AKAP12: variants seen among roughly 807,000 people sequenced by gnomAD.
The protein encoded by AKAP12 is A-kinase anchoring protein 12.
A neutral mutation model predicts 79.9 loss-of-function variants in AKAP12; 32 were observed. The observed-to-expected ratio is 0.40, with a 90% CI of 0.30 to 0.54. The LOEUF is 0.54. Among genes scored for constraint, AKAP12 ranks in the 20% least tolerant of loss-of-function variants. The pLI is 0.48. For missense variants in AKAP12, 2,074 were observed against 2,177.0 expected, an observed-to-expected ratio of 0.95 and a Z score of 0.94; for synonymous variants, 808 against 857.0, an observed-to-expected ratio of 0.94 and a Z score of 1.00.
At chr6:151,297,358 C>T (rs890925318) in intron 2 of AKAP12, among the ~76,000 whole-genome samples, 27 of 151,728 alleles carry the variant, frequency 1.8e-4, no homozygotes, top group African/African-American at 6.3e-4. Flanking sequence ...GGGTGGATCA[C>T]GAGGTCAGGA....
At chr6:151,295,138 T>C (rs1461937885) in intron 2 of AKAP12, among the ~76,000 whole-genome samples, 1 of 152,232 alleles carries the variant, frequency 6.6e-6, no homozygotes, top group African/African-American at 2.4e-5. Flanking sequence ...TTTGAGAATT[T>C]AGAGGCCTAA....
At chr6:151,263,539 A>G (rs1797480949) in intron 2 of AKAP12, among the ~76,000 whole-genome samples, 1 of 151,156 alleles carries the variant, frequency 6.6e-6, no homozygotes, top group South Asian at 2.1e-4. Flanking sequence ...CACATTCTTC[A>G]TTTTTACTCA....
intron 3 of AKAP12, among the ~76,000 whole-genome samples, chr6:151,340,697 C>A (rs116137395): frequency 1.3e-5 from 2 of 152,196 alleles, no homozygotes; most frequent in Non-Finnish European, 2.9e-5. Flanking sequence ...AAGCTCTTTA[C>A]AACCAAGCCA....
intron 2 of AKAP12, among the ~76,000 whole-genome samples, chr6:151,248,267 A>ATTT (rs112053514): frequency 0.05 from 7,022 of 140,740 alleles, 331 homozygotes; most frequent in Admixed American, 0.14. Flanking sequence ...GGATTCTGTG[A>ATTT]TTTTTTTTTT....
intron 2 of AKAP12, among the ~76,000 whole-genome samples, chr6:151,287,371 C>T (rs1374118094): frequency 6.6e-6 from 1 of 152,068 alleles, no homozygotes; most frequent in African/African-American, 2.4e-5. Context: ...GGTGATCCTC[C>T]CACCTTAGCC....
At chr6:151,348,680 T>TCACCC in intron 3 of AKAP12, 31 bp from the exon 4 acceptor site, 4 of 355,198 alleles carry the variant, frequency 1.1e-5, no homozygotes, top group South Asian at 3.0e-5. Context: ...TTTTCTCTTC[T>TCACCC]CCCCACCCCC....
intron 3 of AKAP12, among the ~76,000 whole-genome samples, chr6:151,310,377 A>G (rs1777067797): frequency 6.6e-6 from 1 of 152,090 alleles, no homozygotes; most frequent in Admixed American, 6.5e-5. Context: ...AAAAAAAACA[A>G]AAACAAAACA....
chr6:151,350,439 T>C lies in AKAP12; in HGVS notation c.2048T>C (p.Ile683Thr). Residue 683 changes from isoleucine (I) to threonine (T), a missense_variant, in exon 4 of 5, where the codon ATT (isoleucine) becomes ACT (threonine). Physicochemically the swap from Ile to Thr is moderately conservative, Grantham distance 89. Around this residue, in one of 3 missense-constraint regions of AKAP12, gnomAD observed 1,428 missense variants for 1,451.0 expected, o/e 0.98. Coordinates refer to ENST00000402676, the MANE Select transcript of AKAP12 (RefSeq NM_005100.4). This position sits in a 1 kb window ranked among gnomAD's most constrained non-coding sequence, Gnocchi z 4.8. ...ACCTCAGTATCTTGGGAAGCTTTAA[T>C]TTGTGTGGGATCATCCAAGAAAAGA... ...VDTSVSWEAL[I>T]CVGSSKKRAR... 6.2e-7 allele frequency: 1 copy of C among 1,613,762 alleles called. No individual in the cohort carries two copies. The highest frequency in any genetic ancestry group is 8.5e-7 in the Non-Finnish European group (1 of 1,179,982).
chr6:151,326,503 A>AAAG (rs377525908), intron 3 of AKAP12, among the ~76,000 whole-genome samples: 239 of 149,286 alleles, frequency 1.6e-3, no homozygotes, highest in African/African-American at 4.3e-3. Context: ...AAAAAAAAAA[A>AAAG]AAAGAAAAAA....
chr6:151,325,382 G>A, intron 3 of AKAP12: 1 of 985,470 alleles, frequency 1.0e-6, no homozygotes, highest in Non-Finnish European at 1.2e-6. Context: ...CAGGAATGAA[G>A]TAACCGTTTA....
intron 3 of AKAP12, chr6:151,325,455 T>A: frequency 1.0e-6 from 1 of 985,392 alleles, no homozygotes; most frequent in South Asian, 4.7e-5. Flanking sequence ...CTCCCGGGAC[T>A]CTGCAGAACC....
chr6:151,270,222 A>C (rs1017188541), intron 2 of AKAP12, among the ~76,000 whole-genome samples: 2 of 152,020 alleles, frequency 1.3e-5, no homozygotes, highest in Admixed American at 6.6e-5. Flanking sequence ...ACGCTGGGCT[A>C]ATTTTTTGTA....
chr6:151,282,965 C>G (rs556273434), intron 2 of AKAP12, among the ~76,000 whole-genome samples: 1 of 152,176 alleles, frequency 6.6e-6, no homozygotes, highest in Non-Finnish European at 1.5e-5. Flanking sequence ...AGCCTGCACT[C>G]ATGTTATGAA....
intron 2 of AKAP12, among the ~76,000 whole-genome samples, chr6:151,245,288 G>C (rs971205019): frequency 6.9e-6 from 1 of 145,522 alleles, no homozygotes; most frequent in Non-Finnish European, 1.5e-5. Flanking sequence ...AGCATTCTAA[G>C]AAAAATTAAG....
chr6:151,321,137 C>T (rs201884216), intron 3 of AKAP12, among the ~76,000 whole-genome samples: 4 of 152,076 alleles, frequency 2.6e-5, no homozygotes, highest in East Asian at 3.9e-4. Context: ...CAGGCGTGCG[C>T]CACAATGTCT....
intron 2 of AKAP12, among the ~76,000 whole-genome samples, chr6:151,272,194 A>G (rs1241389171): frequency 2.0e-5 from 3 of 151,882 alleles, no homozygotes; most frequent in South Asian, 2.1e-4. Flanking sequence ...AAATACAAGA[A>G]ATTAGCCCAG....
chr6:151,240,569 G>A lies in AKAP12; in HGVS notation c.7G>A (p.Ala3Thr). The A allele has an allele frequency of 1.4e-6, 2 of 1,443,730 alleles. No homozygotes were observed. The highest frequency in any genetic ancestry group is 1.8e-6 in the Non-Finnish European group (2 of 1,104,516). The allele number at this position is 1,443,730 out of a possible 1,614,324, so 89.4% of individuals were successfully genotyped here. A position where few individuals can be genotyped will look rare whatever the true frequency, so the allele number is the denominator to read the frequency against. The change falls in exon 2 of 5, where the codon GCC becomes ACC. Residue 3 changes from alanine (A) to threonine (T), a missense_variant. Ala to Thr is a moderately conservative substitution (Grantham distance 58). Around this residue, in one of 3 missense-constraint regions of AKAP12, gnomAD observed 1,428 missense variants for 1,451.0 expected, o/e 0.98. Coordinates refer to ENST00000402676, the MANE Select transcript of AKAP12 (RefSeq NM_005100.4). MG[A>T]GSSTEQRSPE... ...GGAGAAGTGCGGAGGAGCCATGGGC[G>A]CCGGGAGCTCCACCGAGCAGCGCAG...
chr6:151,308,691 G>A (rs1777027536), intron 3 of AKAP12, among the ~76,000 whole-genome samples: 1 of 152,028 alleles, frequency 6.6e-6, no homozygotes, highest in South Asian at 2.1e-4. Flanking sequence ...CTATTCTCTT[G>A]GTTTATTAGG....
At chr6:151,288,319 A>G (rs1776547649) in intron 2 of AKAP12, among the ~76,000 whole-genome samples, 1 of 152,100 alleles carries the variant, frequency 6.6e-6, no homozygotes, top group Non-Finnish European at 1.5e-5. Flanking sequence ...GTTTGAAACC[A>G]GCCTGGACAA....
Sources: allele counts gnomAD v4.1 joint callset (sites outside exome capture counted in the v4.1 genomes callset), GRCh38; gene constraint gnomAD v4.1.1; regional missense constraint gnomAD v4.1.1; non-coding constraint Gnocchi (gnomAD v3.1); transcripts MANE v1.5; gene names NCBI Gene and HGNC (gene_info 2026-07-23, HGNC 2026-07-21).